DYSF: variants seen among roughly 807,000 people sequenced by gnomAD.
The protein encoded by DYSF is dystrophy-associated fer-1-like 1.
DYSF carries 212 observed loss-of-function variants against 274.9 expected under a neutral mutation model. That is an observed-to-expected ratio of 0.77 (90% CI 0.69 to 0.86). DYSF has a LOEUF of 0.86. Ranked by LOEUF, DYSF falls within the 40% of genes least tolerant of loss-of-function variation. The probability of loss-of-function intolerance (pLI) is 0.00; values close to 1 mark genes in which losing one functional copy is unlikely to be tolerated. For synonymous variants in DYSF, 1,091 were observed against 1,078.7 expected (o/e 1.01, Z -0.22); for missense variants, 2,666 against 2,783.2 (o/e 0.96, Z 0.95).
rs2093462624 is a variant in DYSF, at chr2:71,598,561, C to G, written c.3575-3C>G. 1 of 1,614,082 alleles carries G rather than the reference C, an allele frequency of 6.2e-7. No homozygotes were observed. The highest frequency in any genetic ancestry group is 1.3e-5 in the African/African-American group (1 of 74,936). On this transcript the variant is annotated splice_polypyrimidine_tract_variant and splice_region_variant and intron_variant, in intron 32 of 55. Coordinates refer to ENST00000410020, the MANE Select transcript of DYSF (RefSeq NM_001130987.2). The stretch of plus-strand genomic sequence containing the variant: ...CTCCCCTCCCCCTCTCCGGCCCATG[C>G]AGATCCCTATGCCATCGTCTCCTTC...
At position 71,655,217 on chromosome 2, in the gene DYSF, A is replaced by G. The variant is rs117507089; in HGVS notation, c.4627-945A>G. 3.3e-4 allele frequency among the ~76,000 whole-genome samples: 50 copies of G among 152,222 alleles called. 1 individual carries two copies. In the East Asian group the frequency reaches 9.3e-3, roughly 28 times the overall value. On this transcript the variant is annotated intron_variant, in intron 42 of 55. Transcript: ENST00000410020. ...ACATATACCAAATGCTGATCAAATA[A>G]CTAGTTATTTTTGAGAATTAGAATT...
chr2:71,542,961 C>A (rs963245662), intron 17 of DYSF, among the ~76,000 whole-genome samples: 1 of 150,228 alleles, frequency 6.7e-6, no homozygotes, highest in Admixed American at 6.6e-5. Context: ...GGCAGAGGCG[C>A]CCCCTACCTC....
chr2:71,523,917 T>C (rs910453984), intron 12 of DYSF, among the ~76,000 whole-genome samples: 1 of 152,198 alleles, frequency 6.6e-6, no homozygotes, highest in Non-Finnish European at 1.5e-5. Context: ...GACTTCCCAC[T>C]GCTTTTAGGA....
intron 41 of DYSF, among the ~76,000 whole-genome samples, chr2:71,632,828 G>A (rs1324362366): frequency 3.3e-5 from 5 of 152,110 alleles, no homozygotes; most frequent in African/African-American, 1.2e-4. Flanking sequence ...CAGCAACCTC[G>A]GGTTCCCCAC....
intron 12 of DYSF, 49 bp downstream of exon 12, chr2:71,520,953 G>T: frequency 6.5e-7 from 1 of 1,536,376 alleles, no homozygotes; most frequent in South Asian, 1.1e-5. Flanking sequence ...CGCGGCACTT[G>T]GTTGCGGAGG....
intron 4 of DYSF, among the ~76,000 whole-genome samples, chr2:71,507,899 C>T (rs2085661412): frequency 6.6e-6 from 1 of 152,248 alleles, no homozygotes; most frequent in African/African-American, 2.4e-5. Flanking sequence ...AAGTGATCCT[C>T]TCGCCTCAGC....
At chr2:71,466,954 G>C in intron 1 of DYSF, 21 bp downstream of exon 1, 3 of 1,547,792 alleles carry the variant, frequency 1.9e-6, no homozygotes, top group Non-Finnish European at 2.6e-6. Context: ...CGTGGCTGCC[G>C]CGCCCATGCT....
At chr2:71,554,729 G>A (rs566111204) in intron 21 of DYSF, among the ~76,000 whole-genome samples, 11 of 152,318 alleles carry the variant, frequency 7.2e-5, no homozygotes, top group Admixed American at 6.5e-4. Flanking sequence ...GGGGAGAAGA[G>A]CAGAGCATAT....
rs556179867 is a variant in DYSF, at chr2:71,572,099, C to T, written c.3228+1358C>T. 4.8e-3 allele frequency among the ~76,000 whole-genome samples: 637 copies of T among 131,344 alleles called. 6 individuals carry two copies. The highest frequency in any genetic ancestry group is 0.017 in the African/African-American group (584 of 33,516). 86.2% of individuals were successfully genotyped at this position (131,344 alleles called of 152,430 possible). A position where few individuals can be genotyped will look rare whatever the true frequency, so the allele number is the denominator to read the frequency against. On this transcript the variant is annotated intron_variant, in intron 29 of 55. Transcript: ENST00000410020. ...ACCCAGCACACCCACAGATCATACC[C>T]AGCACACCCACAGATCATACCCAGC...
chr2:71,467,642 G>T (rs1328863699), intron 1 of DYSF, among the ~76,000 whole-genome samples: 1 of 152,072 alleles, frequency 6.6e-6, no homozygotes, highest in Non-Finnish European at 1.5e-5. Flanking sequence ...CACTGGAGCG[G>T]GTGTCTCAGG....
At position 71,664,394 on chromosome 2, in the gene DYSF, G is replaced by C. The variant is rs768652010; in HGVS notation, c.5130G>C (p.Leu1710=). 2.5e-6 allele frequency: 4 copies of C among 1,614,202 alleles called. No homozygotes were observed. Among genetic ancestry groups the C allele is most frequent in the East Asian group, 2.2e-5 (1 of 44,874 alleles). ...ETVVDLENRL[L]SKFGARCGLP... The stretch of plus-strand genomic sequence containing the variant: ...TCGTCGACCTGGAGAACAGGCTGCT[G>C]TCCAAGTTTGGGGCTCGCTGTGGAC... The change falls in exon 46 of 56, where the codon CTG becomes CTC. Residue 1710 remains leucine, a synonymous_variant. Coordinates refer to ENST00000410020, the MANE Select transcript of DYSF (RefSeq NM_001130987.2).
intron 36 of DYSF, among the ~76,000 whole-genome samples, chr2:71,609,696 G>A (rs72902679): frequency 0.043 from 6,607 of 152,246 alleles, 434 homozygotes; most frequent in African/African-American, 0.15. Flanking sequence ...CTGATTCTAG[G>A]ACTAAGCTTC....
chr2:71,667,623 C>G, intron 48 of DYSF, 108 bp downstream of exon 48: 1 of 1,515,176 alleles, frequency 6.6e-7, no homozygotes, highest in South Asian at 1.2e-5. Flanking sequence ...GAGATTTGGT[C>G]AATCCTTCCT....
chr2:71,485,845 G>T (rs1455763023), intron 3 of DYSF, among the ~76,000 whole-genome samples: 1 of 152,182 alleles, frequency 6.6e-6, no homozygotes, highest in Non-Finnish European at 1.5e-5. Flanking sequence ...ATGGAGTCTT[G>T]CTCTGTTGCC....
intron 40 of DYSF, among the ~76,000 whole-genome samples, chr2:71,616,371 T>A (rs1000264520): frequency 1.3e-5 from 2 of 151,550 alleles, no homozygotes; most frequent in African/African-American, 4.9e-5. Flanking sequence ...TGAGAAATAC[T>A]CACACGTATT....
intron 3 of DYSF, among the ~76,000 whole-genome samples, chr2:71,494,628 C>T (rs1182204801): frequency 6.6e-6 from 1 of 152,162 alleles, no homozygotes; most frequent in African/African-American, 2.4e-5. Flanking sequence ...CTGGCATAAC[C>T]CCAGGGCCAC....
At chr2:71,460,117 A>G (rs965850096) in intron 1 of DYSF, among the ~76,000 whole-genome samples, 1 of 152,208 alleles carries the variant, frequency 6.6e-6, no homozygotes, top group African/African-American at 2.4e-5. Context: ...CTCCACTCAC[A>G]TAATAGTTGA....
rs1413941420 is a variant in DYSF at position 71,615,792 on chromosome 2, G to A, written c.4464+2382G>A. 6.6e-6 allele frequency among the ~76,000 whole-genome samples: 1 copy of A among 152,154 alleles called. No homozygotes were observed. The highest frequency in any genetic ancestry group is 1.5e-5 in the Non-Finnish European group (1 of 68,028). On this transcript the variant is annotated intron_variant, in intron 40 of 55. Transcript: ENST00000410020. This position sits in a 1 kb window ranked among gnomAD's most constrained non-coding sequence, Gnocchi z 4.9. ...GATAGCATGAAGGGCCCTGGCTTCT[G>A]GGGACAGGAGGGACGAGAGGTCTGG...
intron 3 of DYSF, among the ~76,000 whole-genome samples, chr2:71,492,665 T>C (rs926038690): frequency 2.6e-5 from 4 of 151,788 alleles, no homozygotes; most frequent in Admixed American, 2.0e-4. Flanking sequence ...AGTATATATG[T>C]TTTATTATAC....
Sources: gnomAD v4.1 joint callset for allele counts (sites outside exome capture counted in the v4.1 genomes callset) on GRCh38, gnomAD v4.1.1 for gene constraint, Gnocchi (gnomAD v3.1) non-coding constraint, MANE v1.5 for transcripts, NCBI Gene and HGNC (gene_info 2026-07-23, HGNC 2026-07-21) for gene names.